RPS6KC1: variants seen among roughly 807,000 people sequenced by gnomAD.
RPS6KC1 encodes ribosomal protein S6 kinase C1.
Under a neutral mutation model 103.8 loss-of-function variants are expected in RPS6KC1, and 54 were observed. The ratio of observed to expected loss-of-function variants is 0.52; its 90% CI spans 0.42 to 0.65. The LOEUF is 0.65. RPS6KC1 is among the 30% of genes least tolerant of loss of function. RPS6KC1 has a pLI of 0.00. For missense variants in RPS6KC1, 1,151 were observed against 1,253.8 expected (o/e 0.92, Z 1.24); for synonymous variants, 439 against 438.7 (o/e 1.00, Z -0.01).
chr1:213,691,120 C>A, the RPS6KC1 span, among the ~76,000 whole-genome samples: 7 of 152,138 alleles, frequency 4.6e-5, no homozygotes, highest in Non-Finnish European at 8.8e-5. Context: ...TCTTCCCTTC[C>A]CTTCCTCTGG....
chr1:213,567,564 A>G, the RPS6KC1 span, among the ~76,000 whole-genome samples: 5,836 of 152,276 alleles, frequency 0.038, 312 homozygotes, highest in East Asian at 0.28. Context: ...AATGTTCATT[A>G]TAACTTATTC....
the RPS6KC1 span, among the ~76,000 whole-genome samples, chr1:213,617,322 G>T: frequency 6.6e-6 from 1 of 152,174 alleles, no homozygotes; most frequent in South Asian, 2.1e-4. Context: ...CCCCACTAAA[G>T]TCAACTGTGT....
intron 12 of RPS6KC1, among the ~76,000 whole-genome samples, chr1:213,245,249 A>G (rs2094436027): frequency 6.6e-6 from 1 of 152,184 alleles, no homozygotes; most frequent in Non-Finnish European, 1.5e-5. Context: ...AGCAATGATA[A>G]TATGTTAATA....
At chr1:213,495,782 C>T in the RPS6KC1 span, among the ~76,000 whole-genome samples, 2 of 152,094 alleles carry the variant, frequency 1.3e-5, no homozygotes, top group Admixed American at 6.6e-5. Flanking sequence ...CTGATTGTAA[C>T]TCCAAAATTA....
At chr1:213,651,419 G>C in the RPS6KC1 span, among the ~76,000 whole-genome samples, 1 of 152,296 alleles carries the variant, frequency 6.6e-6, no homozygotes, top group South Asian at 2.1e-4. Flanking sequence ...GGCCCCCACT[G>C]TTTTAGGCAG....
At chr1:213,609,704 C>A in the RPS6KC1 span, among the ~76,000 whole-genome samples, 3 of 150,856 alleles carry the variant, frequency 2.0e-5, no homozygotes, top group East Asian at 6.0e-4. Context: ...TGGAGAGAAG[C>A]AGGTTGGACC....
the RPS6KC1 span, among the ~76,000 whole-genome samples, chr1:213,680,617 T>C: frequency 1.3e-5 from 2 of 152,124 alleles, no homozygotes; most frequent in Middle Eastern, 3.2e-3. Flanking sequence ...TAGGACATGA[T>C]AATATTATCC....
At chr1:213,593,528 A>G in the RPS6KC1 span, among the ~76,000 whole-genome samples, 1 of 152,378 alleles carries the variant, frequency 6.6e-6, no homozygotes, top group East Asian at 1.9e-4. Flanking sequence ...ATTGCACACA[A>G]CAGAGCCCTG....
chr1:213,750,930 G>C, the RPS6KC1 span, among the ~76,000 whole-genome samples: 1 of 152,174 alleles, frequency 6.6e-6, no homozygotes. Context: ...TAAGTCAGAA[G>C]AAGAATTAAG....
chr1:213,499,222 A>G, the RPS6KC1 span, among the ~76,000 whole-genome samples: 1 of 152,206 alleles, frequency 6.6e-6, no homozygotes, highest in Admixed American at 6.5e-5. Context: ...AACAAGATAC[A>G]GAACTAGAGG....
intron 6 of RPS6KC1, among the ~76,000 whole-genome samples, chr1:213,132,102 T>C (rs2085706334): frequency 6.6e-6 from 1 of 152,210 alleles, no homozygotes; most frequent in Non-Finnish European, 1.5e-5. Context: ...TAATGTGTCA[T>C]TTGGTTAGTT....
the RPS6KC1 span, among the ~76,000 whole-genome samples, chr1:213,312,676 GC>G: frequency 8.5e-5 from 13 of 152,192 alleles, no homozygotes; most frequent in Admixed American, 7.2e-4. Context: ...AGATGAGTGA[GC>G]CTACTAACTG....
chr1:213,362,365 G>A, the RPS6KC1 span, among the ~76,000 whole-genome samples: 93 of 152,242 alleles, frequency 6.1e-4, no homozygotes, highest in African/African-American at 2.0e-3. Flanking sequence ...ATGGGCCCAG[G>A]CACTCTACCA....
the RPS6KC1 span, among the ~76,000 whole-genome samples, chr1:213,703,398 A>G: frequency 5.3e-5 from 8 of 152,180 alleles, no homozygotes; most frequent in Non-Finnish European, 7.4e-5. Flanking sequence ...CCACAGTTAC[A>G]GTGTTATAAC....
intron 6 of RPS6KC1, among the ~76,000 whole-genome samples, chr1:213,158,768 A>G (rs929267798): frequency 6.6e-6 from 1 of 152,196 alleles, no homozygotes; most frequent in Admixed American, 6.5e-5. Context: ...TAGTAGTCAC[A>G]GATATGTAAA....
At chr1:213,637,354 A>T in the RPS6KC1 span, among the ~76,000 whole-genome samples, 2 of 150,420 alleles carry the variant, frequency 1.3e-5, no homozygotes, top group Non-Finnish European at 2.9e-5. Context: ...ACCAACTATG[A>T]CTTGGAACCA....
the RPS6KC1 span, among the ~76,000 whole-genome samples, chr1:213,736,662 G>A: frequency 2.9e-3 from 447 of 152,240 alleles, 2 homozygotes; most frequent in African/African-American, 0.01. Context: ...ATCATTGGGG[G>A]TCAACCTCAT....
At chr1:213,622,128 T>TA in the RPS6KC1 span, among the ~76,000 whole-genome samples, 1 of 152,082 alleles carries the variant, frequency 6.6e-6, no homozygotes, top group Admixed American at 6.6e-5. Context: ...CCTGACGAAA[T>TA]ACTTGAAATG....
the RPS6KC1 span, among the ~76,000 whole-genome samples, chr1:213,803,959 C>CG: frequency 2.2e-4 from 1 of 4,448 alleles, no homozygotes. Context: ...TGGGGCCTGT[C>CG]GGGGGGTGGG....
Sources: gnomAD v4.1 joint callset for allele counts (sites outside exome capture counted in the v4.1 genomes callset) on GRCh38, gnomAD v4.1.1 for gene constraint, MANE v1.5 for transcripts, NCBI Gene and HGNC (gene_info 2026-07-23, HGNC 2026-07-21) for gene names.